Variants in MAPRE2 observed in about 807,000 individuals in gnomAD.
MAPRE2 encodes microtubule associated protein RP/EB family member 2.
Under a neutral mutation model 43.2 loss-of-function variants are expected in MAPRE2, and 13 were observed. The observed-to-expected ratio is 0.30, with a 90% confidence interval of 0.20 to 0.48. MAPRE2 has a LOEUF of 0.48. MAPRE2 is among the 20% of genes least tolerant of loss of function. MAPRE2 has a pLI of 0.99. For synonymous variants in MAPRE2, 135 were observed against 148.8 expected (o/e 0.91, Z 0.68); for missense variants, 161 against 400.2 (o/e 0.40, Z 5.10).
upstream of MAPRE2, among the ~76,000 whole-genome samples, chr18:35,036,418 C>T (rs1391101998): frequency 6.6e-6 from 1 of 152,134 alleles, no homozygotes; most frequent in Non-Finnish European, 1.5e-5. Flanking sequence ...ATTTCCCTTC[C>T]TATGGCACTT....
At chr18:34,995,752 C>T (rs2150576467) in intron 1 of MAPRE2, among the ~76,000 whole-genome samples, 1 of 152,234 alleles carries the variant, frequency 6.6e-6, no homozygotes, top group South Asian at 2.1e-4. Flanking sequence ...CTAAGCTATA[C>T]ATTAGTTTAT....
intron 1 of MAPRE2, among the ~76,000 whole-genome samples, chr18:35,050,678 T>C (rs955101078): frequency 6.6e-6 from 1 of 152,184 alleles, no homozygotes; most frequent in African/African-American, 2.4e-5. Flanking sequence ...AAAACTGAGA[T>C]TGCAGGTAAT....
At chr18:34,983,468 C>A (rs1407123248) in intron 1 of MAPRE2, among the ~76,000 whole-genome samples, 1 of 152,092 alleles carries the variant, frequency 6.6e-6, no homozygotes, top group Admixed American at 6.5e-5. Flanking sequence ...TTTTTTCAAC[C>A]TGTGAGGGCC....
intron 4 of MAPRE2, among the ~76,000 whole-genome samples, chr18:35,109,676 A>G (rs1347757284): frequency 5.3e-5 from 8 of 152,120 alleles, no homozygotes; most frequent in Non-Finnish European, 2.9e-5. Flanking sequence ...GCATGGCATC[A>G]TCTTTCTCCA....
chr18:35,004,762 A>G (rs1225416671), intron 1 of MAPRE2, among the ~76,000 whole-genome samples: 2 of 152,154 alleles, frequency 1.3e-5, no homozygotes, highest in African/African-American at 4.8e-5. Context: ...CTAAAAATAC[A>G]GAAAAATTAG....
chr18:35,052,581 A>T (rs1417674636), intron 1 of MAPRE2, among the ~76,000 whole-genome samples: 4 of 152,250 alleles, frequency 2.6e-5, no homozygotes, highest in African/African-American at 7.2e-5. Flanking sequence ...AATACTTAGG[A>T]GTGGAGTGAT....
intron 1 of MAPRE2, among the ~76,000 whole-genome samples, chr18:35,061,493 G>GTC (rs1464813049): frequency 6.6e-6 from 1 of 152,190 alleles, no homozygotes; most frequent in East Asian, 1.9e-4. Context: ...CGCAGGGAGG[G>GTC]TCTGTGCCTG....
intron 4 of MAPRE2, among the ~76,000 whole-genome samples, chr18:35,105,861 A>G (rs901613015): frequency 6.6e-6 from 1 of 152,084 alleles, no homozygotes; most frequent in African/African-American, 2.4e-5. Flanking sequence ...AGTCTTTAGT[A>G]TATGTATGAC....
intron 4 of MAPRE2, among the ~76,000 whole-genome samples, chr18:35,105,130 G>A (rs892901613): frequency 3.3e-5 from 5 of 152,042 alleles, no homozygotes; most frequent in Non-Finnish European, 7.4e-5. Context: ...AGATAAACGT[G>A]TGCCATTTTG....
At chr18:35,063,008 G>A (rs1906611991) in intron 1 of MAPRE2, among the ~76,000 whole-genome samples, 3 of 152,198 alleles carry the variant, frequency 2.0e-5, no homozygotes, top group African/African-American at 7.2e-5. Flanking sequence ...AGAAAAGAAA[G>A]ACAGTCACAC....
At chr18:35,049,142 C>T (rs142990144) in intron 1 of MAPRE2, among the ~76,000 whole-genome samples, 40 of 152,222 alleles carry the variant, frequency 2.6e-4, no homozygotes, top group African/African-American at 9.4e-4. Flanking sequence ...TTGTCAAAAA[C>T]GCCAGGTAAT....
At chr18:35,047,732 A>AC (rs58030069) in intron 1 of MAPRE2, among the ~76,000 whole-genome samples, 3 of 151,496 alleles carry the variant, frequency 2.0e-5, no homozygotes, top group East Asian at 1.9e-4. Flanking sequence ...AAAAAAAAAA[A>AC]CACTGTGTTT....
chr18:35,088,934 A>G (rs1908006226), intron 2 of MAPRE2, among the ~76,000 whole-genome samples: 1 of 152,246 alleles, frequency 6.6e-6, no homozygotes, highest in Non-Finnish European at 1.5e-5. Flanking sequence ...CAGATGAAAC[A>G]ATGAAAACAG....
At chr18:35,094,394 A>G (rs547315259) in intron 2 of MAPRE2, among the ~76,000 whole-genome samples, 5 of 152,200 alleles carry the variant, frequency 3.3e-5, no homozygotes, top group Non-Finnish European at 5.9e-5. Context: ...AAATTATTCT[A>G]TAGATAGTAA....
intron 6 of MAPRE2, among the ~76,000 whole-genome samples, chr18:35,137,340 G>A (rs147067005): frequency 2.6e-5 from 4 of 152,300 alleles, no homozygotes; most frequent in African/African-American, 9.6e-5. Context: ...CATAGAAAAG[G>A]CCAGCAAACC....
intron 1 of MAPRE2, among the ~76,000 whole-genome samples, chr18:35,057,369 C>G (rs1170554410): frequency 1.3e-5 from 2 of 152,120 alleles, no homozygotes; most frequent in Non-Finnish European, 2.9e-5. Context: ...CTGCTTTTTA[C>G]TGGAATGCTC....
chr18:35,084,280 A>T (rs1243073907), intron 2 of MAPRE2, among the ~76,000 whole-genome samples: 2 of 152,196 alleles, frequency 1.3e-5, no homozygotes, highest in African/African-American at 4.8e-5. Context: ...TCTCAAAAAA[A>T]AATAATAAAT....
At chr18:35,049,943 GAAAAGT>G (rs933812853) in intron 1 of MAPRE2, among the ~76,000 whole-genome samples, 9 of 152,248 alleles carry the variant, frequency 5.9e-5, no homozygotes, top group Admixed American at 3.9e-4. Flanking sequence ...AAAAGTCGAG[GAAAAGT>G]AAAAGGCTTA....
intron 1 of MAPRE2, among the ~76,000 whole-genome samples, chr18:35,002,254 T>C (rs2097029729): frequency 6.6e-6 from 1 of 152,234 alleles, no homozygotes; most frequent in South Asian, 2.1e-4. Flanking sequence ...ATTCAGGTTG[T>C]TACTTTCTAT....
Sources: gnomAD v4.1 joint callset for allele counts (sites outside exome capture counted in the v4.1 genomes callset) on GRCh38, gnomAD v4.1.1 for gene constraint, MANE v1.5 for transcripts, NCBI Gene and HGNC (gene_info 2026-07-23, HGNC 2026-07-21) for gene names.